The following NCAN variants were observed in gnomAD, a reference collection of about 807,000 sequenced individuals.
NCAN encodes neurocan core protein.
In NCAN, 47 loss-of-function variants were observed where a neutral mutation model predicts 121.8. The observed-to-expected ratio is 0.39, with a 90% confidence interval of 0.31 to 0.49. The LOEUF (loss-of-function observed/expected upper bound fraction) is 0.49. NCAN is among the 20% of genes least tolerant of loss of function. The probability of loss-of-function intolerance (pLI) is 0.92; values close to 1 mark genes in which losing one functional copy is unlikely to be tolerated. For synonymous variants in NCAN, 633 were observed against 702.0 expected (o/e 0.90, Z 1.55); for missense variants, 1,517 against 1,773.4 (o/e 0.86, Z 2.60).
At chr19:19,224,827 CGGAGCT>C in intron 5 of NCAN, 144 bp from the exon 6 acceptor site, 2 of 660,236 alleles carry the variant, frequency 3.0e-6, no homozygotes, top group Non-Finnish European at 4.7e-6. Flanking sequence ...AGGATGATCC[CGGAGCT>C]GGACGCACAG....
intron 3 of NCAN, among the ~76,000 whole-genome samples, chr19:19,223,064 G>A (rs574814998): frequency 2.6e-5 from 4 of 152,120 alleles, no homozygotes; most frequent in Non-Finnish European, 4.4e-5. Context: ...AGCTGAGATC[G>A]CGCCACTGCA....
rs1491267976 is a variant in NCAN, at chr19:19,214,763, T to TGTGA, written c.-7-2183_-7-2182insTGAG. On this transcript the variant is annotated intron_variant, in intron 1 of 14. Coordinates refer to ENST00000252575, the MANE Select transcript of NCAN (RefSeq NM_004386.3). ...GTGTGTGTGTGTGTGTGTGTGTGTG[T>TGTGA]GAGAGAGAGAGAGAAAGAGAATTCT... is the stretch of plus-strand genomic sequence containing the variant. Among the ~76,000 whole-genome samples the TGTGA allele has an allele frequency of 3.0e-3, 275 of 92,154 alleles. 2 individuals carry two copies. The highest frequency in any genetic ancestry group is 6.9e-3 in the African/African-American group (216 of 31,376). 60.5% of individuals were successfully genotyped at this position (92,154 alleles called of 152,430 possible).
At position 19,251,885 on chromosome 19, in the gene NCAN, T is replaced by C. The variant is rs2060947521; in HGVS notation, c.*1974T>C. 1 of 149,442 alleles carries C rather than the reference T, an allele frequency of 6.7e-6. No individual in the cohort carries two copies. Among genetic ancestry groups the C allele is most frequent in the Non-Finnish European group, 1.5e-5 (1 of 67,242 alleles). 9.3% of individuals were successfully genotyped at this position (149,442 alleles called of 1,614,324 possible). A position where few individuals can be genotyped will look rare whatever the true frequency, so the allele number is the denominator to read the frequency against. On this transcript the variant is annotated 3_prime_UTR_variant, in exon 15 of 15. Coordinates refer to ENST00000252575, the MANE Select transcript of NCAN (RefSeq NM_004386.3). ...ATCTATGTCACACAAAAATTTTCCT[T>C]TGTTTGCGGGGGGCTGGGGATGCAG...
At chr19:19,229,804 G>C (rs1214661094) in intron 8 of NCAN, among the ~76,000 whole-genome samples, 1 of 152,172 alleles carries the variant, frequency 6.6e-6, no homozygotes, top group Non-Finnish European at 1.5e-5. Context: ...GAGGCTGCGT[G>C]TGATGGCTCA....
At chr19:19,214,727 GGTGTGTGTGTGTGTGTGTGT>G (rs56279536) in intron 1 of NCAN, among the ~76,000 whole-genome samples, 1 of 141,246 alleles carries the variant, frequency 7.1e-6, no homozygotes, top group East Asian at 2.1e-4. Context: ...CTGTTAACGG[GGTGTGTGTGTGTGTGTGTGT>G]GTGTGTGTGT....
At chr19:19,239,111 C>T (rs901520467) in intron 11 of NCAN, among the ~76,000 whole-genome samples, 12 of 152,182 alleles carry the variant, frequency 7.9e-5, no homozygotes, top group Non-Finnish European at 1.5e-4. Flanking sequence ...TCTGCCCGTC[C>T]AGCGCCCACT....
In NCAN at chr19:19,250,058, A is replaced by G. The variant is rs1272603502; in HGVS notation, c.*147A>G. On this transcript the variant is annotated 3_prime_UTR_variant, in exon 15 of 15. Transcript: ENST00000252575. ...CCCACACACATAATCCTTTGTACAAAGCTCCTCTTTTCCCTTTTTTTACAT... is the reference window on the plus strand; with the variant it reads ...CCCACACACATAATCCTTTGTACAAGGCTCCTCTTTTCCCTTTTTTTACAT... The G allele has an allele frequency of 4.5e-6, 4 of 898,804 alleles. No individual in the cohort carries two copies. Among genetic ancestry groups the G allele is most frequent in the Non-Finnish European group, 7.2e-6 (4 of 558,958 alleles). 55.7% of individuals were successfully genotyped at this position (898,804 alleles called of 1,614,324 possible).
At chr19:19,230,160 T>C (rs1187993722) in intron 8 of NCAN, among the ~76,000 whole-genome samples, 1 of 151,928 alleles carries the variant, frequency 6.6e-6, no homozygotes, top group Non-Finnish European at 1.5e-5. Flanking sequence ...TTCTCCTGCC[T>C]CAACCTTCTG....
rs777170009 is a variant in NCAN at position 19,238,357 on chromosome 19, C to A, written c.3355C>A (p.Arg1119Ser). The change falls in exon 11 of 15, where the codon CGC becomes AGC. Residue 1119 changes from arginine (R) to serine (S), a missense_variant. Physicochemically the swap from Arg to Ser is moderately radical, Grantham distance 110. Coordinates refer to ENST00000252575, the MANE Select transcript of NCAN (RefSeq NM_004386.3). ...WEDAEKDCRR[R>S]SGHLTSVHSP... ...AGATGCCGAGAAGGACTGCCGCCGC[C>A]GCTCCGGCCACCTGACCAGCGTCCA... is the stretch of plus-strand genomic sequence containing the variant. 1.2e-6 allele frequency: 2 copies of A among 1,614,076 alleles called. No individual in the cohort carries two copies. The highest frequency in any genetic ancestry group is 1.7e-6 in the Non-Finnish European group (2 of 1,180,050).
rs922663440 is a variant in NCAN, at chr19:19,225,049, G to C, written c.851G>C (p.Gly284Ala). 3.8e-5 allele frequency: 57 copies of C among 1,510,634 alleles called. No homozygotes were observed. The highest frequency in any genetic ancestry group is 4.9e-5 in the Non-Finnish European group (56 of 1,137,332). 93.6% of individuals were successfully genotyped at this position (1,510,634 alleles called of 1,614,324 possible). Residue 284 changes from glycine to alanine, a missense_variant, in exon 6 of 15, where the codon GGT becomes GCT. By Grantham distance (60) the Gly-to-Ala change is moderately conservative. Transcript: ENST00000252575. The surrounding 1 kb of genome is among the most constrained non-coding windows in gnomAD (Gnocchi z 4.0). ...AGARAQCRRQ[G>A]AALASVGQLH... Reference sequence around the variant, plus strand: ...GCGCGTGCACAGTGCCGCCGCCAGGGTGCCGCGCTGGCCTCGGTGGGACAG... The same window carrying C: ...GCGCGTGCACAGTGCCGCCGCCAGGCTGCCGCGCTGGCCTCGGTGGGACAG...
chr19:19,224,853 T>C (rs1353782532), intron 5 of NCAN, 124 bp from the exon 6 acceptor site: 1 of 843,458 alleles, frequency 1.2e-6, no homozygotes, highest in African/African-American at 1.8e-5. Context: ...GCTGCGGTTG[T>C]CACCGCCTCT....
intron 3 of NCAN, among the ~76,000 whole-genome samples, chr19:19,222,098 A>G (rs140481049): frequency 6.6e-6 from 1 of 152,194 alleles, no homozygotes; most frequent in African/African-American, 2.4e-5. Context: ...ATGCCCCCAA[A>G]CTGGGAACTG....
chr19:19,232,611 A>G (rs2060864596), intron 8 of NCAN, among the ~76,000 whole-genome samples: 1 of 152,212 alleles, frequency 6.6e-6, no homozygotes, highest in Non-Finnish European at 1.5e-5. Flanking sequence ...TTGAAACCAA[A>G]TCCCCTCTCC....
intron 9 of NCAN, among the ~76,000 whole-genome samples, chr19:19,234,170 C>T (rs1225991231): frequency 6.6e-6 from 1 of 152,170 alleles, no homozygotes; most frequent in Non-Finnish European, 1.5e-5. Context: ...AATTATATGT[C>T]TGAGACTCCT....
intron 3 of NCAN, 21 bp downstream of exon 3, chr19:19,219,337 G>T (rs1410887962): frequency 6.8e-7 from 1 of 1,474,800 alleles, no homozygotes; most frequent in South Asian, 1.3e-5. Flanking sequence ...GGCAAAGGAG[G>T]GGCCGGGGGC....
chr19:19,215,018 G>A (rs559196063), intron 1 of NCAN, among the ~76,000 whole-genome samples: 22 of 152,202 alleles, frequency 1.4e-4, no homozygotes, highest in Non-Finnish European at 2.5e-4. Context: ...ACCCTGCTGT[G>A]CAGCCTGAGG....
In NCAN at chr19:19,249,983, C is replaced by T; in HGVS notation, c.*72C>T. On this transcript the variant is annotated 3_prime_UTR_variant, in exon 15 of 15. Transcript: ENST00000252575. ...GAGCCTTCGCCTGGGGAGACAGAACCCAGAGAGAAACAAGAGAGTCCAGAA... is the reference window on the plus strand; with the variant it reads ...GAGCCTTCGCCTGGGGAGACAGAACTCAGAGAGAAACAAGAGAGTCCAGAA... 1.3e-6 allele frequency: 2 copies of T among 1,492,276 alleles called. No homozygotes were observed. The highest frequency in any genetic ancestry group is 4.9e-5 in the East Asian group (2 of 40,850). 92.4% of individuals were successfully genotyped at this position (1,492,276 alleles called of 1,614,324 possible). A position where few individuals can be genotyped will look rare whatever the true frequency, so the allele number is the denominator to read the frequency against.
Position 19,225,072 on chromosome 19 carries a change from C to A in NCAN, c.874C>A (p.Gln292Lys). 6.6e-7 allele frequency: 1 copy of A among 1,526,558 alleles called. No homozygotes were observed. The highest frequency in any genetic ancestry group is 8.7e-7 in the Non-Finnish European group (1 of 1,144,842). 94.6% of individuals were successfully genotyped at this position (1,526,558 alleles called of 1,614,324 possible). A position where few individuals can be genotyped will look rare whatever the true frequency, so the allele number is the denominator to read the frequency against. ...RQGAALASVG[Q>K]LHLAWHEGLD... is the part of the protein sequence containing the mutation. ...GGGTGCCGCGCTGGCCTCGGTGGGA[C>A]AGCTGCACCTGGCCTGGCATGAGGG... The change falls in exon 6 of 15, where the codon CAG becomes AAG. Residue 292 changes from glutamine (Q) to lysine (K), a missense_variant. Physicochemically the swap from Gln to Lys is moderately conservative, Grantham distance 53. Transcript: ENST00000252575. The surrounding 1 kb of genome is among the most constrained non-coding windows in gnomAD (Gnocchi z 4.0).
Position 19,227,316 on chromosome 19 carries a change from C to T in NCAN, c.1696C>T (p.Leu566=). ...AGGKSSPEPW[L]WPPTMVPPSI... is the part of the protein sequence containing the mutation. ...TGGCAAGAGCTCCCCAGAGCCCTGG[C>T]TGTGGCCCCCTACCATGGTCCCACC... is the stretch of plus-strand genomic sequence containing the variant. The change falls in exon 8 of 15, where the codon CTG becomes TTG. Residue 566 remains leucine (L), a synonymous_variant. Coordinates refer to ENST00000252575, the MANE Select transcript of NCAN (RefSeq NM_004386.3). This position sits in a 1 kb window ranked among gnomAD's most constrained non-coding sequence, Gnocchi z 4.2. 3 of 1,592,636 alleles carry T rather than the reference C, an allele frequency of 1.9e-6. No homozygotes were observed. Among genetic ancestry groups the T allele is most frequent in the Admixed American group, 1.8e-5 (1 of 56,710 alleles).
Sources: gnomAD v4.1 joint callset for allele counts (sites outside exome capture counted in the v4.1 genomes callset) on GRCh38, gnomAD v4.1.1 for gene constraint, Gnocchi (gnomAD v3.1) non-coding constraint, MANE v1.5 for transcripts, NCBI Gene and HGNC (gene_info 2026-07-23, HGNC 2026-07-21) for gene names.